Variants in GALNTL6 observed in about 807,000 individuals in gnomAD.
GALNTL6 encodes the protein polypeptide N-acetylgalactosaminyltransferase-like 6.
In GALNTL6, 46 loss-of-function variants were observed where a neutral mutation model predicts 73.7. The ratio of observed to expected loss-of-function variants is 0.62; its 90% CI spans 0.49 to 0.80. The LOEUF is 0.80. GALNTL6 is among the 30% of genes least tolerant of loss of function. The pLI is 0.00. For missense variants in GALNTL6, 604 were observed against 755.0 expected, an observed-to-expected ratio of 0.80 and a Z score of 2.34; for synonymous variants, 259 against 263.7, an observed-to-expected ratio of 0.98 and a Z score of 0.17.
At chr4:172,090,346 A>G (rs1028095594) in intron 2 of GALNTL6, among the ~76,000 whole-genome samples, 2 of 152,140 alleles carry the variant, frequency 1.3e-5, no homozygotes, top group Non-Finnish European at 2.9e-5. Context: ...ATTTCTCCAC[A>G]TCCTCTCCAG....
intron 5 of GALNTL6, among the ~76,000 whole-genome samples, chr4:172,757,901 A>G (rs1737843999): frequency 6.6e-6 from 1 of 152,244 alleles, no homozygotes. Flanking sequence ...ATTAGCACAA[A>G]AGCATATGTT....
At chr4:171,929,758 C>G (rs1738115938) in intron 2 of GALNTL6, among the ~76,000 whole-genome samples, 1 of 151,920 alleles carries the variant, frequency 6.6e-6, no homozygotes, top group Non-Finnish European at 1.5e-5. Flanking sequence ...GAAAGGGGCC[C>G]TGCCTTCCTG....
At chr4:172,803,153 T>C (rs140252653) in intron 5 of GALNTL6, among the ~76,000 whole-genome samples, 111 of 152,348 alleles carry the variant, frequency 7.3e-4, no homozygotes, top group South Asian at 5.6e-3. Flanking sequence ...AGCCTGATCC[T>C]TGGACTGTTC....
At chr4:171,827,621 T>C (rs1734858671) in intron 2 of GALNTL6, among the ~76,000 whole-genome samples, 1 of 152,148 alleles carries the variant, frequency 6.6e-6, no homozygotes, top group Non-Finnish European at 1.5e-5. Context: ...GAAACAGATA[T>C]TTGAAATTAT....
chr4:172,525,392 T>C (rs1453801481), intron 5 of GALNTL6, among the ~76,000 whole-genome samples: 1 of 151,654 alleles, frequency 6.6e-6, no homozygotes, highest in Non-Finnish European at 1.5e-5. Flanking sequence ...TTCTCAACAA[T>C]TTTTTTTTAA....
intron 9 of GALNTL6, among the ~76,000 whole-genome samples, chr4:172,936,158 A>G (rs999126413): frequency 2.0e-5 from 3 of 152,226 alleles, no homozygotes; most frequent in South Asian, 4.1e-4. Flanking sequence ...TCCATCACAT[A>G]AGCAGAACCA....
chr4:172,151,869 A>AT (rs1396241977), intron 2 of GALNTL6, among the ~76,000 whole-genome samples: 1 of 150,824 alleles, frequency 6.6e-6, no homozygotes, highest in Non-Finnish European at 1.5e-5. Flanking sequence ...CCTTTTCCAT[A>AT]TATATATATT....
At chr4:172,714,185 A>T (rs950641442) in intron 5 of GALNTL6, among the ~76,000 whole-genome samples, 21 of 152,322 alleles carry the variant, frequency 1.4e-4, no homozygotes, top group African/African-American at 4.6e-4. Context: ...TCACAAAGTT[A>T]GTTCAGCCTA....
intron 10 of GALNTL6, among the ~76,000 whole-genome samples, chr4:172,956,798 G>T (rs974180467): frequency 1.3e-4 from 20 of 152,268 alleles, no homozygotes; most frequent in Admixed American, 5.2e-4. Flanking sequence ...GGCTGAGCTT[G>T]GTGAGGTGTG....
intron 2 of GALNTL6, among the ~76,000 whole-genome samples, chr4:172,002,168 G>A (rs1740695880): frequency 6.6e-6 from 1 of 152,110 alleles, no homozygotes; most frequent in Non-Finnish European, 1.5e-5. Context: ...AGGGTAAGGA[G>A]GTTTAAGAGT....
chr4:172,044,440 A>G (rs1417745961), intron 2 of GALNTL6, among the ~76,000 whole-genome samples: 1 of 151,956 alleles, frequency 6.6e-6, no homozygotes, highest in East Asian at 1.9e-4. Context: ...AAGCATTAAG[A>G]AAACAGAATT....
At chr4:171,963,044 G>C (rs1739273563) in intron 2 of GALNTL6, among the ~76,000 whole-genome samples, 1 of 150,096 alleles carries the variant, frequency 6.7e-6, no homozygotes, top group East Asian at 1.9e-4. Context: ...GGGATTTCTG[G>C]TGTGAGCCAC....
chr4:171,891,477 G>A (rs1736761254), intron 2 of GALNTL6, among the ~76,000 whole-genome samples: 1 of 152,104 alleles, frequency 6.6e-6, no homozygotes, highest in African/African-American at 2.4e-5. Context: ...CATGTTTAGG[G>A]AAACAGGTAG....
intron 2 of GALNTL6, among the ~76,000 whole-genome samples, chr4:171,938,127 G>A (rs2111007820): frequency 6.6e-6 from 1 of 152,066 alleles, no homozygotes; most frequent in East Asian, 1.9e-4. Flanking sequence ...TTTGAAACTT[G>A]CACATTTCTT....
chr4:172,713,222 ATGTGTGTGTGTGTGTG>A (rs61504713), intron 5 of GALNTL6, among the ~76,000 whole-genome samples: 9,201 of 139,230 alleles, frequency 0.066, 343 homozygotes, highest in Middle Eastern at 0.15. Context: ...AAAGAATAAG[ATGTGTGTGTGTGTGTG>A]TGTGTGTGTG....
At chr4:172,339,257 C>CCACACA (rs70941402) in intron 4 of GALNTL6, among the ~76,000 whole-genome samples, 5,265 of 120,876 alleles carry the variant, frequency 0.044, 205 homozygotes, top group African/African-American at 0.063. Context: ...CACACACACA[C>CCACACA]CACACACACA....
chr4:172,590,926 G>A (rs933078432), intron 5 of GALNTL6, among the ~76,000 whole-genome samples: 4 of 152,058 alleles, frequency 2.6e-5, no homozygotes, highest in African/African-American at 9.7e-5. Flanking sequence ...TTACTGCGTC[G>A]TGAAATGCTT....
intron 2 of GALNTL6, among the ~76,000 whole-genome samples, chr4:172,222,108 C>T (rs1736696428): frequency 6.6e-6 from 1 of 151,758 alleles, no homozygotes; most frequent in Admixed American, 6.6e-5. Flanking sequence ...TTAACAGCTA[C>T]CCAGACAGTA....
intron 2 of GALNTL6, among the ~76,000 whole-genome samples, chr4:171,855,573 T>TA (rs1168703933): frequency 1.3e-5 from 2 of 152,248 alleles, no homozygotes; most frequent in African/African-American, 4.8e-5. Flanking sequence ...ATAAATGCTG[T>TA]AAATATTCTT....
Sources: gnomAD v4.1 joint callset for allele counts (sites outside exome capture counted in the v4.1 genomes callset) on GRCh38, gnomAD v4.1.1 for gene constraint, MANE v1.5 for transcripts, NCBI Gene and HGNC (gene_info 2026-07-23, HGNC 2026-07-21) for gene names.